Variants in TLN2 observed in about 807,000 individuals in gnomAD.
TLN2 encodes talin 2, also known as talin-2.
Under a neutral mutation model 294.7 loss-of-function variants are expected in TLN2, and 118 were observed. That is an observed-to-expected ratio of 0.40 (90% CI 0.34 to 0.47). The LOEUF (loss-of-function observed/expected upper bound fraction) is 0.47. Ranked by LOEUF, TLN2 falls within the 20% of genes least tolerant of loss-of-function variation. The pLI is 0.84. For synonymous variants in TLN2, 1,431 were observed against 1,304.5 expected (o/e 1.10, Z -2.09); for missense variants, 3,083 against 3,282.2 (o/e 0.94, Z 1.48).
intron 1 of TLN2, among the ~76,000 whole-genome samples, chr15:62,502,211 C>T (rs2039345941): frequency 6.6e-6 from 1 of 152,180 alleles, no homozygotes; most frequent in African/African-American, 2.4e-5. Flanking sequence ...TTTGTGTTTT[C>T]ATTTTAAAAC....
chr15:62,818,408 G>A (rs1165458060), intron 52 of TLN2, among the ~76,000 whole-genome samples: 1 of 152,206 alleles, frequency 6.6e-6, no homozygotes, highest in Admixed American at 6.5e-5. Flanking sequence ...GGAAGGGATA[G>A]GATGGTGTGC....
At chr15:62,582,235 C>T (rs970744288) in intron 1 of TLN2, among the ~76,000 whole-genome samples, 6 of 140,064 alleles carry the variant, frequency 4.3e-5, no homozygotes, top group Non-Finnish European at 9.7e-5. Context: ...CACACACACA[C>T]ACACACACAC....
intron 54 of TLN2, among the ~76,000 whole-genome samples, chr15:62,822,377 A>G (rs1181379928): frequency 6.6e-6 from 1 of 152,236 alleles, no homozygotes; most frequent in Non-Finnish European, 1.5e-5. Flanking sequence ...TGAAATAAAA[A>G]TTATTCCACT....
At chr15:62,670,914 G>A (rs2055329289) in intron 9 of TLN2, among the ~76,000 whole-genome samples, 1 of 152,150 alleles carries the variant, frequency 6.6e-6, no homozygotes, top group Middle Eastern at 3.2e-3. Context: ...GTGTATGAGG[G>A]TTCCAGTTTC....
At chr15:62,468,133 T>A (rs778400949) in intron 1 of TLN2, among the ~76,000 whole-genome samples, 10 of 150,680 alleles carry the variant, frequency 6.6e-5, no homozygotes, top group Non-Finnish European at 1.5e-4. Context: ...AAATAAATTT[T>A]TAAATTTAAT....
At chr15:62,726,123 G>T (rs1450789428) in intron 27 of TLN2, among the ~76,000 whole-genome samples, 2 of 152,136 alleles carry the variant, frequency 1.3e-5, no homozygotes, top group Non-Finnish European at 2.9e-5. Flanking sequence ...ATACCCCAGG[G>T]AGTGCAAGAG....
intron 19 of TLN2, among the ~76,000 whole-genome samples, chr15:62,703,393 C>G (rs1039331308): frequency 6.6e-6 from 1 of 152,010 alleles, no homozygotes; most frequent in South Asian, 2.1e-4. Context: ...AGCCACCGCG[C>G]CTGGCCGTGA....
chr15:62,739,088 G>T (rs965502013), intron 30 of TLN2, among the ~76,000 whole-genome samples: 29 of 152,156 alleles, frequency 1.9e-4, no homozygotes, highest in African/African-American at 7.0e-4. Flanking sequence ...AGGAAACCTT[G>T]AGCCCCTGTA....
chr15:62,784,725 A>T (rs2064494908), intron 45 of TLN2: 1 of 152,250 alleles, frequency 6.6e-6, no homozygotes, highest in African/African-American at 2.4e-5. Flanking sequence ...AATGGAGTGG[A>T]TTACAGGGAC....
At chr15:62,474,034 C>G (rs2037645016) in intron 1 of TLN2, among the ~76,000 whole-genome samples, 1 of 152,130 alleles carries the variant, frequency 6.6e-6, no homozygotes, top group Non-Finnish European at 1.5e-5. Context: ...GCGGAAGTTG[C>G]AGTGAGCCCA....
At chr15:62,543,612 G>C (rs375826679) in intron 1 of TLN2, among the ~76,000 whole-genome samples, 10 of 152,016 alleles carry the variant, frequency 6.6e-5, no homozygotes, top group African/African-American at 2.4e-4. Flanking sequence ...AAAATTAGTT[G>C]GGCGTGGTGG....
intron 40 of TLN2, 126 bp downstream of exon 40, chr15:62,763,821 C>A: frequency 7.4e-7 from 1 of 1,348,574 alleles, no homozygotes. Context: ...CACCATTAGA[C>A]AGCCATTCTC....
chr15:62,666,639 C>G (rs541824186), intron 9 of TLN2, among the ~76,000 whole-genome samples: 1 of 152,348 alleles, frequency 6.6e-6, no homozygotes, highest in East Asian at 1.9e-4. Context: ...AACTGACTAA[C>G]AAGCTGTTTT....
chr15:62,712,146 C>T (rs1164471387), intron 22 of TLN2, 69 bp downstream of exon 22: 2 of 1,560,816 alleles, frequency 1.3e-6, no homozygotes, highest in African/African-American at 2.7e-5. Context: ...AGGTACTTTC[C>T]AGATGGGGCA....
chr15:62,499,087 AT>A (rs377591199), intron 1 of TLN2, among the ~76,000 whole-genome samples: 22 of 150,950 alleles, frequency 1.5e-4, no homozygotes, highest in South Asian at 4.2e-4. Flanking sequence ...TGATGACAGA[AT>A]TTTTTTTTTC....
At chr15:62,464,426 G>A (rs889686799) in intron 1 of TLN2, among the ~76,000 whole-genome samples, 7 of 152,104 alleles carry the variant, frequency 4.6e-5, no homozygotes, top group Non-Finnish European at 8.8e-5. Context: ...CCTGTTGTGG[G>A]ATCGGGGGAG....
chr15:62,708,351 AAT>A, intron 20 of TLN2, 149 bp from the exon 21 acceptor site: 1 of 728,548 alleles, frequency 1.4e-6, no homozygotes. Context: ...CATTGAATGA[AAT>A]GGTCAGGTAA....
chr15:62,693,920 A>C (rs1595686501), intron 13 of TLN2, among the ~76,000 whole-genome samples: 2 of 150,566 alleles, frequency 1.3e-5, no homozygotes, highest in Non-Finnish European at 2.9e-5. Context: ...ATGTTTTTTT[A>C]AAGGTCCTTG....
intron 1 of TLN2, among the ~76,000 whole-genome samples, chr15:62,584,027 C>G (rs1292236381): frequency 6.6e-6 from 1 of 152,170 alleles, no homozygotes; most frequent in East Asian, 1.9e-4. Flanking sequence ...GCACCATTAC[C>G]TGATCACTTA....
Sources: allele counts gnomAD v4.1 joint callset (sites outside exome capture counted in the v4.1 genomes callset), GRCh38; gene constraint gnomAD v4.1.1; transcripts MANE v1.5; gene names NCBI Gene and HGNC (gene_info 2026-07-23, HGNC 2026-07-21).